The following RBFOX1 variants were observed in gnomAD, a reference collection of about 807,000 sequenced individuals.
RBFOX1 encodes the protein RNA binding protein fox-1 homolog 1.
In RBFOX1, 8 loss-of-function variants were observed where a neutral mutation model predicts 57.7. The ratio of observed to expected loss-of-function variants is 0.14; its 90% CI spans 0.08 to 0.25. The LOEUF is 0.25. Ranked by LOEUF, RBFOX1 falls within the 10% of genes least tolerant of loss-of-function variation. RBFOX1 has a pLI of 1.00. For missense variants in RBFOX1, 611 were observed against 548.5 expected, an observed-to-expected ratio of 1.11 and a Z score of -1.14; for synonymous variants, 326 against 222.4, an observed-to-expected ratio of 1.47 and a Z score of -4.15.
intron 2 of RBFOX1, among the ~76,000 whole-genome samples, chr16:6,598,945 TAAAAA>T (rs774589307): frequency 4.0e-5 from 5 of 126,496 alleles, no homozygotes; most frequent in Non-Finnish European, 7.7e-5. Context: ...GACTCCATGT[TAAAAA>T]CAAAACAAAA....
At chr16:6,836,327 G>T (rs1567480917) in intron 3 of RBFOX1, among the ~76,000 whole-genome samples, 1 of 152,188 alleles carries the variant, frequency 6.6e-6, no homozygotes, top group African/African-American at 2.4e-5. Context: ...TTACTCCAAA[G>T]AAAGAAAACT....
intron 2 of RBFOX1, among the ~76,000 whole-genome samples, chr16:6,590,819 C>T (rs768736907): frequency 6.9e-6 from 1 of 144,696 alleles, no homozygotes; most frequent in African/African-American, 2.6e-5. Flanking sequence ...ACATGGACAG[C>T]TCTGTCATAT....
intron 3 of RBFOX1, among the ~76,000 whole-genome samples, chr16:6,655,396 AAAAAAAAGAG>A (rs2098642187): frequency 6.9e-6 from 1 of 144,266 alleles, no homozygotes; most frequent in Non-Finnish European, 1.5e-5. Context: ...AAAAAAAAAA[AAAAAAAAGAG>A]CTCGCGCTCA....
chr16:7,643,910 T>C (rs562923973), intron 11 of RBFOX1, among the ~76,000 whole-genome samples: 1 of 152,122 alleles, frequency 6.6e-6, no homozygotes, highest in African/African-American at 2.4e-5. Flanking sequence ...ACAAGAAGCA[T>C]ATTGAGATCT....
At chr16:6,791,651 C>T (rs559475467) in intron 3 of RBFOX1, among the ~76,000 whole-genome samples, 10 of 152,032 alleles carry the variant, frequency 6.6e-5, no homozygotes, top group Admixed American at 2.0e-4. Context: ...CCCAGCTACT[C>T]GGGAGGCTGA....
intron 1 of RBFOX1, among the ~76,000 whole-genome samples, chr16:5,407,834 C>T (rs921126122): frequency 2.6e-5 from 4 of 152,190 alleles, no homozygotes; most frequent in South Asian, 2.1e-4. Flanking sequence ...CAGGCGTGAG[C>T]CACTGCACAT....
chr16:5,628,941 G>A (rs1427902144), intron 3 of RBFOX1, among the ~76,000 whole-genome samples: 1 of 152,178 alleles, frequency 6.6e-6, no homozygotes, highest in Non-Finnish European at 1.5e-5. Flanking sequence ...AGCTTTGTGT[G>A]GATAGCAAGT....
intron 4 of RBFOX1, among the ~76,000 whole-genome samples, chr16:7,497,706 C>G (rs192741833): frequency 1.2e-4 from 19 of 152,208 alleles, no homozygotes; most frequent in Non-Finnish European, 1.8e-4. Context: ...GCAAGATATC[C>G]TTCCATGTGT....
chr16:6,230,500 T>A (rs962152969), intron 1 of RBFOX1, among the ~76,000 whole-genome samples: 1 of 152,174 alleles, frequency 6.6e-6, no homozygotes, highest in African/African-American at 2.4e-5. Flanking sequence ...TTAGTCAGTG[T>A]CTGCTGCATC....
chr16:5,483,374 C>T (rs1279696537), intron 2 of RBFOX1, among the ~76,000 whole-genome samples: 2 of 152,356 alleles, frequency 1.3e-5, no homozygotes, highest in African/African-American at 2.4e-5. Context: ...CTCTTTCCCA[C>T]GCTTGCCCCC....
intron 2 of RBFOX1, among the ~76,000 whole-genome samples, chr16:6,439,750 A>C (rs186265000): frequency 8.3e-4 from 127 of 152,204 alleles, no homozygotes; most frequent in African/African-American, 2.8e-3. Context: ...CTCCAGTCTC[A>C]TCTTTCCCTG....
At chr16:5,942,581 A>C (rs1179789674) in intron 4 of RBFOX1, among the ~76,000 whole-genome samples, 2 of 152,214 alleles carry the variant, frequency 1.3e-5, no homozygotes, top group East Asian at 1.9e-4. Context: ...GCAGGATTCA[A>C]GTCCCTTTCA....
intron 1 of RBFOX1, among the ~76,000 whole-genome samples, chr16:6,309,614 C>A (rs930200037): frequency 2.0e-5 from 3 of 151,794 alleles, no homozygotes; most frequent in Non-Finnish European, 4.4e-5. Flanking sequence ...TCCTGTAAGG[C>A]CAAGACAGGA....
In RBFOX1 at chr16:7,676,745, C is replaced by T. The variant is rs751890493; in HGVS notation, c.931-29C>T. 3.8e-5 allele frequency: 61 copies of T among 1,598,096 alleles called. No individual in the cohort carries two copies. The East Asian group carries it at 1.2e-3, about 32-fold the overall frequency. ...TCCCTGCATTGGGCTCCGCTACATT[C>T]CTGAGTCACATTTCTCCTTGTGTTT... On this transcript the variant is annotated intron_variant, in intron 13 of 15. Coordinates refer to ENST00000550418, the MANE Select transcript of RBFOX1 (RefSeq NM_018723.4).
chr16:6,463,334 A>G (rs540706703), intron 2 of RBFOX1, among the ~76,000 whole-genome samples: 12 of 152,264 alleles, frequency 7.9e-5, no homozygotes, highest in African/African-American at 2.9e-4. Flanking sequence ...TCTGAACTCT[A>G]TTAACTCAGG....
chr16:5,694,514 C>T (rs1367736190), intron 3 of RBFOX1, among the ~76,000 whole-genome samples: 1 of 152,094 alleles, frequency 6.6e-6, no homozygotes, highest in African/African-American at 2.4e-5. Context: ...ACCAGCTGGT[C>T]TTCAGTTTTA....
At chr16:6,681,270 A>G (rs541474303) in intron 3 of RBFOX1, among the ~76,000 whole-genome samples, 12 of 152,314 alleles carry the variant, frequency 7.9e-5, no homozygotes, top group Admixed American at 7.8e-4. Flanking sequence ...GTGAGCCAGG[A>G]TCACACCACT....
chr16:5,563,794 A>G (rs987333435), intron 2 of RBFOX1, among the ~76,000 whole-genome samples: 3 of 152,132 alleles, frequency 2.0e-5, no homozygotes, highest in South Asian at 4.1e-4. Context: ...GAACATTTTC[A>G]TCACCCCCAA....
At chr16:6,032,526 C>T (rs2095305562) in intron 1 of RBFOX1, among the ~76,000 whole-genome samples, 1 of 152,178 alleles carries the variant, frequency 6.6e-6, no homozygotes. Context: ...GTGGAGCCTA[C>T]TGGGGAATCA....
Sources: gnomAD v4.1 joint callset for allele counts (sites outside exome capture counted in the v4.1 genomes callset) on GRCh38, gnomAD v4.1.1 for gene constraint, MANE v1.5 for transcripts, NCBI Gene and HGNC (gene_info 2026-07-23, HGNC 2026-07-21) for gene names.